The following ATG5 variants were observed in gnomAD, a reference collection of about 807,000 sequenced individuals.
ATG5 encodes the protein autophagy protein 5.
ATG5 carries 14 observed loss-of-function variants against 36.5 expected under a neutral mutation model. The ratio of observed to expected loss-of-function variants is 0.38; its 90% CI spans 0.25 to 0.60. The LOEUF is 0.60. Ranked by LOEUF, ATG5 falls within the 20% of genes least tolerant of loss-of-function variation. ATG5 has a pLI of 0.60. For synonymous variants in ATG5, 95 were observed against 101.5 expected (o/e 0.94, Z 0.38); for missense variants, 195 against 326.7 (o/e 0.60, Z 3.11).
At chr6:106,207,013 T>C (rs972945831) in intron 6 of ATG5, among the ~76,000 whole-genome samples, 1 of 152,220 alleles carries the variant, frequency 6.6e-6, no homozygotes, top group South Asian at 2.1e-4. Context: ...AACAGGAATA[T>C]ACCACAATAC....
At chr6:106,275,033 A>T (rs746723418) in intron 5 of ATG5, among the ~76,000 whole-genome samples, 4 of 152,248 alleles carry the variant, frequency 2.6e-5, no homozygotes, top group Admixed American at 6.5e-5. Flanking sequence ...GTGCTGGATG[A>T]TCACTAGCCC....
intron 4 of ATG5, among the ~76,000 whole-genome samples, chr6:106,286,537 A>C (rs1780085302): frequency 6.6e-6 from 1 of 152,142 alleles, no homozygotes. Flanking sequence ...CATGATTTCC[A>C]CCACCTGGTA....
intron 3 of ATG5, among the ~76,000 whole-genome samples, chr6:106,308,011 G>A (rs897312576): frequency 6.6e-6 from 1 of 151,910 alleles, no homozygotes; most frequent in African/African-American, 2.4e-5. Flanking sequence ...ATATAAAGAT[G>A]TTATAAATAT....
intron 6 of ATG5, among the ~76,000 whole-genome samples, chr6:106,214,502 G>T (rs1776968066): frequency 6.6e-6 from 1 of 152,056 alleles, no homozygotes; most frequent in South Asian, 2.1e-4. Flanking sequence ...ATTATAGTCA[G>T]GGACACTTAA....
intron 2 of ATG5, 108 bp downstream of exon 2, chr6:106,315,993 A>C: frequency 1.2e-6 from 1 of 820,414 alleles, no homozygotes; most frequent in Non-Finnish European, 1.9e-6. Context: ...AATAAGCATG[A>C]ATTAGCTGTA....
chr6:106,257,292 A>C (rs180922424), intron 5 of ATG5, among the ~76,000 whole-genome samples: 39 of 152,346 alleles, frequency 2.6e-4, no homozygotes, highest in Admixed American at 8.5e-4. Flanking sequence ...AACACTCTAA[A>C]ATAATGAAAA....
At chr6:106,304,951 C>T (rs1468422185) in intron 3 of ATG5, among the ~76,000 whole-genome samples, 2 of 151,952 alleles carry the variant, frequency 1.3e-5, no homozygotes, top group Non-Finnish European at 2.9e-5. Context: ...AATTAGCTGG[C>T]GTGGTGGCGG....
At chr6:106,225,100 G>A (rs571054131) in intron 6 of ATG5, among the ~76,000 whole-genome samples, 3 of 152,250 alleles carry the variant, frequency 2.0e-5, no homozygotes, top group East Asian at 3.9e-4. Flanking sequence ...AATTTATTAT[G>A]TGCCAGGCAC....
intron 6 of ATG5, among the ~76,000 whole-genome samples, chr6:106,238,102 G>A (rs1396131857): frequency 1.3e-5 from 2 of 152,096 alleles, no homozygotes; most frequent in African/African-American, 4.8e-5. Context: ...GTCCTTTTAA[G>A]CACTAAGCAT....
chr6:106,261,102 A>G (rs1779001045), intron 5 of ATG5, among the ~76,000 whole-genome samples: 1 of 152,212 alleles, frequency 6.6e-6, no homozygotes, highest in Non-Finnish European at 1.5e-5. Flanking sequence ...TTTAAATTAG[A>G]GTTAAAGAGT....
chr6:106,317,998 T>G (rs766136130), intron 1 of ATG5, among the ~76,000 whole-genome samples: 14 of 152,214 alleles, frequency 9.2e-5, no homozygotes, highest in Non-Finnish European at 1.8e-4. Flanking sequence ...CTTTTGATGA[T>G]GAAGAGAAAA....
intron 3 of ATG5, among the ~76,000 whole-genome samples, chr6:106,293,516 A>G (rs1562260278): frequency 6.6e-6 from 1 of 152,236 alleles, no homozygotes; most frequent in African/African-American, 2.4e-5. Context: ...AAGATGAGCA[A>G]CTAAAACGCA....
At chr6:106,310,557 T>C (rs1770609743) in intron 2 of ATG5, among the ~76,000 whole-genome samples, 1 of 152,138 alleles carries the variant, frequency 6.6e-6, no homozygotes, top group Non-Finnish European at 1.5e-5. Flanking sequence ...TTTTTTTCAA[T>C]GTGGTAAAAT....
At chr6:106,263,157 G>A (rs544044720) in intron 5 of ATG5, among the ~76,000 whole-genome samples, 12 of 152,312 alleles carry the variant, frequency 7.9e-5, no homozygotes, top group African/African-American at 2.6e-4. Context: ...AGCTTGGTGC[G>A]GGGAGGGGCA....
In ATG5 at chr6:106,185,685, C is replaced by T. The variant is rs912319298; in HGVS notation, c.*855G>A. The stretch of plus-strand genomic sequence containing the variant: ...AGGATACTATGATTTGACAGGCTTA[C>T]AGTGATAAAACAACAAAGATGAACA... On this transcript the variant is annotated 3_prime_UTR_variant, in exon 8 of 8. Transcript: ENST00000369076. 2.0e-5 allele frequency: 3 copies of T among 152,256 alleles called. No homozygotes were observed. Among genetic ancestry groups the T allele is most frequent in the African/African-American group, 7.2e-5 (3 of 41,426 alleles). 9.4% of individuals were successfully genotyped at this position (152,256 alleles called of 1,614,324 possible).
intron 6 of ATG5, among the ~76,000 whole-genome samples, chr6:106,212,499 C>T (rs537486237): frequency 6.0e-4 from 92 of 152,222 alleles, no homozygotes; most frequent in Admixed American, 1.2e-3. Context: ...ATTAGCCGGG[C>T]GCTGTGGCGG....
intron 1 of ATG5, among the ~76,000 whole-genome samples, chr6:106,318,721 A>T (rs774190592): frequency 6.6e-6 from 1 of 152,230 alleles, no homozygotes; most frequent in African/African-American, 2.4e-5. Flanking sequence ...TCTGCAAAAC[A>T]GATTTATGAA....
intron 6 of ATG5, among the ~76,000 whole-genome samples, chr6:106,238,042 A>T (rs942289261): frequency 6.6e-6 from 1 of 152,260 alleles, no homozygotes. Context: ...TGTCTTTAAC[A>T]TACCAGTATT....
intron 7 of ATG5, among the ~76,000 whole-genome samples, chr6:106,193,231 C>T (rs555787471): frequency 1.3e-5 from 2 of 152,280 alleles, no homozygotes; most frequent in East Asian, 3.9e-4. Flanking sequence ...TTTAAAAATA[C>T]TTACATTAAC....
Sources: gnomAD v4.1 joint callset for allele counts (sites outside exome capture counted in the v4.1 genomes callset) on GRCh38, gnomAD v4.1.1 for gene constraint, MANE v1.5 for transcripts, NCBI Gene and HGNC (gene_info 2026-07-23, HGNC 2026-07-21) for gene names.